ANKLE2: variants seen among roughly 807,000 people sequenced by gnomAD.
ANKLE2 encodes ankyrin repeat and LEM domain-containing protein 2.
A neutral mutation model predicts 84.2 loss-of-function variants in ANKLE2; 55 were observed. The observed-to-expected ratio is 0.65, with a 90% CI of 0.53 to 0.82. ANKLE2 has a LOEUF of 0.82. Among genes scored for constraint, ANKLE2 ranks in the 40% least tolerant of loss-of-function variants. The pLI is 0.00. For synonymous variants in ANKLE2, 551 were observed against 486.1 expected, an observed-to-expected ratio of 1.13 and a Z score of -1.76; for missense variants, 1,238 against 1,201.9, an observed-to-expected ratio of 1.03 and a Z score of -0.44.
At chr12:132,760,219 C>T (rs1428747109) in intron 1 of ANKLE2, 1 of 151,692 alleles carries the variant, frequency 6.6e-6, no homozygotes, top group East Asian at 1.9e-4. Context: ...TCAGAAAGCA[C>T]CTCTCCGCAG....
chr12:132,756,729 C>T (rs2044493655), intron 1 of ANKLE2: 1 of 151,966 alleles, frequency 6.6e-6, no homozygotes, highest in Non-Finnish European at 1.5e-5. Context: ...AGTTCGAGAC[C>T]AGCCTGGCCA....
chr12:132,748,148 G>C lies in ANKLE2; in HGVS notation c.1031C>G (p.Thr344Ser). The change falls in exon 4 of 13, where the codon ACT becomes AGT. Residue 344 changes from threonine to serine, a missense_variant. Around this residue, in one of 3 missense-constraint regions of ANKLE2, gnomAD observed 802 missense variants for 774.5 expected, o/e 1.04. Coordinates refer to ENST00000357997, the MANE Select transcript of ANKLE2 (RefSeq NM_015114.3). ...RYLIGSGDNP[T>S]IVQEGCRYNV... is the part of the protein sequence containing the mutation. ...ACCGCCGAGACCTACCTGCACGATA[G>C]TGGGGTTGTCTCCTGAGCCTATCAG... 1 of 1,613,754 alleles carries C rather than the reference G, an allele frequency of 6.2e-7. No homozygotes were observed. The highest frequency in any genetic ancestry group is 8.5e-7 in the Non-Finnish European group (1 of 1,179,800).
rs746191042 is a variant in ANKLE2, at chr12:132,727,266, G to A, written c.2793C>T (p.Arg931=). The A allele has an allele frequency of 9.0e-6, 14 of 1,561,602 alleles. No individual in the cohort carries two copies. In the African/African-American group the frequency reaches 1.5e-4, roughly 17 times the overall value. The change falls in exon 13 of 13, where the codon CGC becomes CGT. Residue 931 remains arginine, a synonymous_variant. Transcript: ENST00000357997. ...CCTACAGGGCGGCAAGCTCAGCCAGGCGCGCCATCCTGCGGAGCTGGCTCC... is the reference window on the plus strand; with the variant it reads ...CCTACAGGGCGGCAAGCTCAGCCAGACGCGCCATCCTGCGGAGCTGGCTCC... ...VHGSQLRRMA[R]LAELAAL is the part of the protein sequence containing the mutation.
At chr12:132,742,860 T>C (rs1373994744) in intron 6 of ANKLE2, among the ~76,000 whole-genome samples, 3 of 140,998 alleles carry the variant, frequency 2.1e-5, no homozygotes, top group African/African-American at 5.3e-5. Context: ...TCAACTGATG[T>C]GTTCAGAGAG....
At chr12:132,742,012 C>T (rs2044133600) in intron 6 of ANKLE2, 3 of 338,606 alleles carry the variant, frequency 8.9e-6, no homozygotes, top group African/African-American at 2.2e-5. Flanking sequence ...CAACAACCTT[C>T]AAATAAAAGG....
intron 6 of ANKLE2, chr12:132,742,212 CACACACACAA>C (rs772297873): frequency 5.5e-4 from 90 of 163,432 alleles, no homozygotes; most frequent in Non-Finnish European, 6.3e-4. Flanking sequence ...CACACACACA[CACACACACAA>C]AAAGAATCAC....
intron 10 of ANKLE2, chr12:132,730,592 G>GC: frequency 2.9e-6 from 1 of 340,050 alleles, no homozygotes; most frequent in Non-Finnish European, 5.5e-6. Context: ...GGAGGCCATG[G>GC]CAGGGGGGTC....
chr12:132,732,718 C>T (rs2043902691), intron 10 of ANKLE2, among the ~76,000 whole-genome samples: 1 of 116,810 alleles, frequency 8.6e-6, no homozygotes, highest in African/African-American at 3.2e-5. Flanking sequence ...CCGTGTGAAG[C>T]TCTCTGCGTC....
intron 1 of ANKLE2, chr12:132,760,497 T>C (rs1013760679): frequency 5.9e-5 from 9 of 152,284 alleles, no homozygotes; most frequent in Admixed American, 5.9e-4. Context: ...CCCAGGTTGT[T>C]TGACCTGCGC....
intron 1 of ANKLE2, chr12:132,760,649 T>C (rs1408477302): frequency 6.6e-6 from 1 of 152,260 alleles, no homozygotes; most frequent in Non-Finnish European, 1.5e-5. Context: ...AAGAGATGCG[T>C]GACGTAAAAC....
rs757167413 is a variant in ANKLE2, at chr12:132,754,803, A to C, written c.512T>G (p.Val171Gly). 1 of 1,614,152 alleles carries C rather than the reference A, an allele frequency of 6.2e-7. No individual in the cohort carries two copies. Among genetic ancestry groups the C allele is most frequent in the Non-Finnish European group, 8.5e-7 (1 of 1,180,038 alleles). ...VGLNPPEEEA[V>G]TSKTCSVPPS... Reference sequence around the variant, plus strand: ...GGGCACCGAGCAGGTCTTGGATGTCACAGCTTCCTCCTCTGGAGGATTCAG... The same window carrying C: ...GGGCACCGAGCAGGTCTTGGATGTCCCAGCTTCCTCCTCTGGAGGATTCAG... Residue 171 changes from valine (V) to glycine (G), a missense_variant, in exon 2 of 13, where the codon GTG becomes GGG. This residue lies in a region of ANKLE2 where 422 missense variants were observed against 394.5 expected (regional missense o/e 1.07). Coordinates refer to ENST00000357997, the MANE Select transcript of ANKLE2 (RefSeq NM_015114.3).
chr12:132,749,814 C>T (rs797020196), intron 3 of ANKLE2, among the ~76,000 whole-genome samples: 12 of 152,290 alleles, frequency 7.9e-5, no homozygotes, highest in African/African-American at 2.4e-4. Flanking sequence ...CAGATAAGCC[C>T]GCCTTCTCCA....
intron 12 of ANKLE2, among the ~76,000 whole-genome samples, chr12:132,727,782 C>CG (rs1382924878): frequency 6.6e-6 from 1 of 151,818 alleles, no homozygotes; most frequent in Admixed American, 6.6e-5. Flanking sequence ...CCTGTGTGAT[C>CG]TGAGTAGAAA....
At chr12:132,742,421 G>T (rs116870762) in intron 6 of ANKLE2, 3,457 of 153,244 alleles carry the variant, frequency 0.023, 66 homozygotes, top group South Asian at 0.031. Flanking sequence ...ATTTCTAAAG[G>T]GCTGCTAGAC....
intron 1 of ANKLE2, chr12:132,759,956 A>C (rs927027319): frequency 1.3e-5 from 2 of 152,170 alleles, no homozygotes; most frequent in Non-Finnish European, 2.9e-5. Flanking sequence ...CAACATGGTG[A>C]AACCCCGTCT....
In ANKLE2 at chr12:132,741,285, C is replaced by A. The variant is rs183998553; in HGVS notation, c.1420+134G>T. On this transcript the variant is annotated intron_variant, in intron 7 of 12. Coordinates refer to ENST00000357997, the MANE Select transcript of ANKLE2 (RefSeq NM_015114.3). ...AGCTCAGGAGAAGAAAGGATGATCCCGAGGAGAGGCTTCCGAGGGGAGCCG... is the reference window on the plus strand; with the variant it reads ...AGCTCAGGAGAAGAAAGGATGATCCAGAGGAGAGGCTTCCGAGGGGAGCCG... 7 of 810,478 alleles carry A rather than the reference C, an allele frequency of 8.6e-6. No individual in the cohort carries two copies. In the Admixed American group the frequency reaches 1.4e-4, roughly 16 times the overall value. The allele number at this position is 810,478 out of a possible 1,614,324, so 50.2% of individuals were successfully genotyped here. A position where few individuals can be genotyped will look rare whatever the true frequency, so the allele number is the denominator to read the frequency against.
At chr12:132,735,222 C>G (rs765200703) in intron 9 of ANKLE2, 184 bp downstream of exon 9, 2 of 606,554 alleles carry the variant, frequency 3.3e-6, no homozygotes, top group Non-Finnish European at 2.9e-6. Flanking sequence ...AGGTCTGGGA[C>G]GGGACTGGCT....
intron 12 of ANKLE2, among the ~76,000 whole-genome samples, chr12:132,727,655 A>AGGCACTGCTGAACCCTGGCACCACGGG (rs1239475321): frequency 6.7e-6 from 1 of 150,232 alleles, no homozygotes; most frequent in African/African-American, 2.5e-5. Flanking sequence ...GGCGGAGGAG[A>AGGCACTGCTGAACCCTGGCACCACGGG]CACACTGCTG....
At chr12:132,753,809 T>C (rs530218399) in intron 2 of ANKLE2, among the ~76,000 whole-genome samples, 1 of 152,042 alleles carries the variant, frequency 6.6e-6, no homozygotes, top group Non-Finnish European at 1.5e-5. Context: ...CGTATGCCTG[T>C]GGTCCCAGCT....
Sources: gnomAD v4.1 joint callset for allele counts (sites outside exome capture counted in the v4.1 genomes callset) on GRCh38, gnomAD v4.1.1 for gene constraint, gnomAD v4.1.1 regional missense constraint, MANE v1.5 for transcripts, NCBI Gene and HGNC (gene_info 2026-07-23, HGNC 2026-07-21) for gene names.